FBXO34: variants seen among roughly 807,000 people sequenced by gnomAD.
The protein encoded by FBXO34 is F-box only protein 34.
Under a neutral mutation model 24.5 loss-of-function variants are expected in FBXO34, and 12 were observed. That is an observed-to-expected ratio of 0.49 (90% confidence interval 0.31 to 0.79). FBXO34 has a LOEUF of 0.79. Ranked by LOEUF, FBXO34 falls within the 30% of genes least tolerant of loss-of-function variation. The pLI is 0.04. For missense variants in FBXO34, 823 were observed against 857.7 expected (o/e 0.96, Z 0.51); for synonymous variants, 320 against 311.9 (o/e 1.03, Z -0.27).
chr14:55,281,965 C>A lies in FBXO34; in HGVS notation c.-11+10428C>A, dbSNP rs190620030. 9.2e-5 allele frequency among the ~76,000 whole-genome samples: 13 copies of A among 141,782 alleles called. No homozygotes were observed. The East Asian group carries it at 2.7e-3, about 29-fold the overall frequency. 93.0% of individuals were successfully genotyped at this position (141,782 alleles called of 152,430 possible). A position where few individuals can be genotyped will look rare whatever the true frequency, so the allele number is the denominator to read the frequency against. ...GTTTTTTTGAAATGAATTGTTTATT[C>A]CAGTAAGTTTCATTTTTAAATTTAG... On this transcript the variant is annotated intron_variant, in intron 1 of 1. Coordinates refer to ENST00000313833, the MANE Select transcript of FBXO34 (RefSeq NM_017943.4).
downstream of FBXO34, chr14:55,369,846 C>T (rs754614033): frequency 1.2e-6 from 2 of 1,614,180 alleles, no homozygotes; most frequent in East Asian, 4.5e-5. Flanking sequence ...TCTCCGCTCT[C>T]ATCTGATTCT....
In FBXO34 at chr14:55,351,102, T is replaced by C; in HGVS notation, c.712T>C (p.Phe238Leu). 1 of 1,614,122 alleles carries C rather than the reference T, an allele frequency of 6.2e-7. No homozygotes were observed. The highest frequency in any genetic ancestry group is 8.5e-7 in the Non-Finnish European group (1 of 1,180,020). ...NCTNSPAIVR[F>L]SGQSRGVPAV... ...CACAAACTCACCTGCAATTGTGAGG[T>C]TTTCTGGCCAATCCAGAGGTGTGCC... The change falls in exon 2 of 2, where the codon TTT becomes CTT. Residue 238 changes from phenylalanine (F) to leucine (L), a missense_variant. Physicochemically the swap from Phe to Leu is conservative, Grantham distance 22. Coordinates refer to ENST00000313833, the MANE Select transcript of FBXO34 (RefSeq NM_017943.4).
chr14:55,411,568 A>G, the FBXO34 span: 1 of 1,574,746 alleles, frequency 6.4e-7, no homozygotes, highest in South Asian at 1.2e-5. Context: ...GACACACAGC[A>G]GAAGAAACAA....
chr14:55,340,088 C>T (rs1348759106), intron 1 of FBXO34, among the ~76,000 whole-genome samples: 1 of 152,192 alleles, frequency 6.6e-6, no homozygotes, highest in African/African-American at 2.4e-5. Flanking sequence ...CCAGGTCTTG[C>T]TGTGTTGCTC....
chr14:55,381,242 G>C, the FBXO34 span, among the ~76,000 whole-genome samples: 3 of 152,136 alleles, frequency 2.0e-5, no homozygotes, highest in Admixed American at 2.0e-4. Flanking sequence ...ATGACACAAA[G>C]CATGAGCTCA....
chr14:55,372,845 C>T (rs1387699575), downstream of FBXO34, among the ~76,000 whole-genome samples: 2 of 152,150 alleles, frequency 1.3e-5, no homozygotes, highest in African/African-American at 2.4e-5. Context: ...TCCAAGTTCC[C>T]GGTGGACTCC....
intron 1 of FBXO34, among the ~76,000 whole-genome samples, chr14:55,345,669 A>G (rs993751895): frequency 6.6e-6 from 1 of 152,158 alleles, no homozygotes; most frequent in Non-Finnish European, 1.5e-5. Context: ...TCATATTTAT[A>G]CCAGTGTCTA....
chr14:55,413,620 C>T, the FBXO34 span: 7 of 437,464 alleles, frequency 1.6e-5, no homozygotes, highest in Admixed American at 1.6e-4. Flanking sequence ...GTTCTAAGTG[C>T]TTGTCTGGGT....
chr14:55,368,844 G>C (rs913500188), downstream of FBXO34: 2 of 152,300 alleles, frequency 1.3e-5, no homozygotes, highest in Non-Finnish European at 2.9e-5. Flanking sequence ...AATGCTCATA[G>C]TGTGGATGGC....
In FBXO34 at chr14:55,351,693, A is replaced by G. The variant is rs780897504; in HGVS notation, c.1303A>G (p.Met435Val). Residue 435 changes from methionine (M) to valine (V), a missense_variant, in exon 2 of 2, where the codon ATG (methionine) becomes GTG (valine). Met to Val is a conservative substitution (Grantham distance 21, BLOSUM62 1). Around this residue, in one of 2 missense-constraint regions of FBXO34, gnomAD observed 693 missense variants for 659.1 expected, o/e 1.05. Coordinates refer to ENST00000313833, the MANE Select transcript of FBXO34 (RefSeq NM_017943.4). The part of the protein sequence containing the change: ...SELPTDAVDC[M>V]SRELVSLTSR... ...ATTGCCCACAGATGCTGTTGATTGT[A>G]TGAGCAGAGAGCTTGTGTCCCTTAC... 6.2e-6 allele frequency: 10 copies of G among 1,614,110 alleles called. No homozygotes were observed. The highest frequency in any genetic ancestry group is 8.5e-6 in the Non-Finnish European group (10 of 1,180,054).
chr14:55,292,688 AAAAG>A (rs1029671201), intron 1 of FBXO34, among the ~76,000 whole-genome samples: 5 of 151,988 alleles, frequency 3.3e-5, no homozygotes, highest in Non-Finnish European at 7.4e-5. Flanking sequence ...TGGGAGCATT[AAAAG>A]AAAGGATATA....
At chr14:55,418,914 A>G in the FBXO34 span, among the ~76,000 whole-genome samples, 27 of 152,302 alleles carry the variant, frequency 1.8e-4, no homozygotes, top group South Asian at 4.1e-3. Context: ...GGTAGATTCT[A>G]TGGTCACTTG....
intron 1 of FBXO34, among the ~76,000 whole-genome samples, chr14:55,283,291 A>G (rs1395784036): frequency 2.0e-5 from 3 of 152,100 alleles, no homozygotes; most frequent in Admixed American, 2.0e-4. Flanking sequence ...AAAAAAATAC[A>G]CCAACATTTT....
the FBXO34 span, chr14:55,414,083 C>T: frequency 1.8e-6 from 1 of 562,452 alleles, no homozygotes; most frequent in South Asian, 1.4e-5. Context: ...TGGAAGATGG[C>T]CCTTCCGGCT....
chr14:55,385,378 G>A, the FBXO34 span, among the ~76,000 whole-genome samples: 2 of 152,004 alleles, frequency 1.3e-5, no homozygotes, highest in South Asian at 2.1e-4. Flanking sequence ...CTGCGACCTC[G>A]GCCTCCTGGG....
At chr14:55,433,856 ATTAAGG>A in the FBXO34 span, 1 of 646,104 alleles carries the variant, frequency 1.5e-6, no homozygotes, top group Non-Finnish European at 2.6e-6. Context: ...TTCTCCCTAC[ATTAAGG>A]TTAACAAAAA....
chr14:55,320,217 A>G (rs1883081891), intron 1 of FBXO34, among the ~76,000 whole-genome samples: 1 of 152,168 alleles, frequency 6.6e-6, no homozygotes, highest in Admixed American at 6.5e-5. Context: ...GAGGGAACTC[A>G]TTGGCATGGT....
At chr14:55,308,674 T>A (rs572369680) in intron 1 of FBXO34, among the ~76,000 whole-genome samples, 2 of 152,364 alleles carry the variant, frequency 1.3e-5, no homozygotes, top group East Asian at 3.9e-4. Context: ...ACCCAGTGAT[T>A]CCTGATTTGG....
At chr14:55,387,434 CCTCCATAAACA>C in the FBXO34 span, among the ~76,000 whole-genome samples, 1 of 152,178 alleles carries the variant, frequency 6.6e-6, no homozygotes, top group Non-Finnish European at 1.5e-5. Flanking sequence ...GGAAGGCCCC[CCTCCATAAACA>C]CTCCCCAGAC....
Sources: gnomAD v4.1 joint callset for allele counts (sites outside exome capture counted in the v4.1 genomes callset) on GRCh38, gnomAD v4.1.1 for gene constraint, gnomAD v4.1.1 regional missense constraint, MANE v1.5 for transcripts, NCBI Gene and HGNC (gene_info 2026-07-23, HGNC 2026-07-21) for gene names.